NECTIN1: variants seen among roughly 807,000 people sequenced by gnomAD.
The protein encoded by NECTIN1 is nectin-1.
In NECTIN1, 23 loss-of-function variants were observed where a neutral mutation model predicts 48.0. That is an observed-to-expected ratio of 0.48 (90% CI 0.34 to 0.68). NECTIN1 has a LOEUF of 0.68. Ranked by LOEUF, NECTIN1 falls within the 30% of genes least tolerant of loss-of-function variation. NECTIN1 has a pLI of 0.01. For synonymous variants in NECTIN1, 270 were observed against 288.9 expected, an observed-to-expected ratio of 0.93 and a Z score of 0.66; for missense variants, 591 against 709.9, an observed-to-expected ratio of 0.83 and a Z score of 1.90.
chr11:119,714,472 C>A (rs1336735281), intron 1 of NECTIN1, among the ~76,000 whole-genome samples: 1 of 152,148 alleles, frequency 6.6e-6, no homozygotes, highest in Non-Finnish European at 1.5e-5. Flanking sequence ...CATCCCCAAG[C>A]AGCCCCACAT....
downstream of NECTIN1, among the ~76,000 whole-genome samples, chr11:119,657,614 T>A (rs5025566): frequency 0.1 from 3,796 of 37,584 alleles, 205 homozygotes; most frequent in African/African-American, 0.16. Context: ...ACTTTGTCTT[T>A]AAAAAAAAAA....
In NECTIN1 at chr11:119,661,196, G is replaced by A. The variant is rs956797036; in HGVS notation, c.*3551C>T. On this transcript the variant is annotated 3_prime_UTR_variant, in exon 6 of 6. Transcript: ENST00000264025. ...GCAAGGTAGCGCATCACGCTGGGAG[G>A]GGAGGGTGGCAGCTTCTCCTGGATT... 3 of 985,716 alleles carry A rather than the reference G, an allele frequency of 3.0e-6. No homozygotes were observed. In the African/African-American group the frequency reaches 5.2e-5, roughly 17 times the overall value. 61.1% of individuals were successfully genotyped at this position (985,716 alleles called of 1,614,324 possible).
At chr11:119,716,856 G>GCA (rs1865750727) in intron 1 of NECTIN1, among the ~76,000 whole-genome samples, 3 of 152,194 alleles carry the variant, frequency 2.0e-5, no homozygotes, top group African/African-American at 7.2e-5. Context: ...GCACACGCGC[G>GCA]CGCACGCACG....
chr11:119,679,903 C>T (rs1467278639), intron 1 of NECTIN1, among the ~76,000 whole-genome samples: 1 of 152,204 alleles, frequency 6.6e-6, no homozygotes, highest in Non-Finnish European at 1.5e-5. Flanking sequence ...CAGAGCTAAC[C>T]TGGCCACCTC....
Position 119,728,648 on chromosome 11 carries a change from G to T in NECTIN1, c.-95C>A. On this transcript the variant is annotated 5_prime_UTR_variant, in exon 1 of 6. Transcript: ENST00000264025. Reference sequence around the variant, plus strand: ...AGATGAGGGAAGATCGCTGGCGGTCGGCGGGCGCTCGAAGGATCCAGGTCA... The same window carrying T: ...AGATGAGGGAAGATCGCTGGCGGTCTGCGGGCGCTCGAAGGATCCAGGTCA... The T allele has an allele frequency of 1.4e-6, 1 of 717,648 alleles. No individual in the cohort carries two copies. Among genetic ancestry groups the T allele is most frequent in the Non-Finnish European group, 2.1e-6 (1 of 475,576 alleles). The allele number at this position is 717,648 out of a possible 1,614,324, so 44.5% of individuals were successfully genotyped here. A position where few individuals can be genotyped will look rare whatever the true frequency, so the allele number is the denominator to read the frequency against.
chr11:119,664,950 G>A lies in NECTIN1; in HGVS notation c.1351C>T (p.Arg451Cys), dbSNP rs1225561970. ...TTGGGGTGGGGGCCGCCCACCTTGC[G>A]CTCGCCCCCTCCACCGCCCTCCTCC... ...EEEEGGGGGE[R>C]KVGGPHPKYD... The change falls in exon 6 of 6, where the codon CGC becomes TGC. Residue 451 changes from arginine to cysteine, a missense_variant. Arg to Cys is a radical substitution (Grantham distance 180). Transcript: ENST00000264025. 1 of 1,613,450 alleles carries A rather than the reference G, an allele frequency of 6.2e-7. No homozygotes were observed. Among genetic ancestry groups the A allele is most frequent in the East Asian group, 2.2e-5 (1 of 44,842 alleles).
At chr11:119,648,063 C>CAAAAA (rs55695982) in intron 5 of NECTIN1, among the ~76,000 whole-genome samples, 8 of 43,092 alleles carry the variant, frequency 1.9e-4, no homozygotes, top group Non-Finnish European at 2.4e-4. Context: ...GACACCGTCT[C>CAAAAA]AAAAAAAAAA....
rs1379331414 is a variant in NECTIN1, at chr11:119,672,527, C to G, written c.1003+2632G>C. 2.6e-5 allele frequency among the ~76,000 whole-genome samples: 4 copies of G among 152,186 alleles called. No individual in the cohort carries two copies. The highest frequency in any genetic ancestry group is 5.9e-5 in the Non-Finnish European group (4 of 68,020). On this transcript the variant is annotated intron_variant, in intron 5 of 5. Coordinates refer to ENST00000264025, the MANE Select transcript of NECTIN1 (RefSeq NM_002855.5). The surrounding 1 kb of genome is among the most constrained non-coding windows in gnomAD (Gnocchi z 4.3). Reference sequence around the variant, plus strand: ...CATCTCCTCGGTGCCCCCATCGCCACAGCCACAGCCTGGGCCTGTTGTTTC... The same window carrying G: ...CATCTCCTCGGTGCCCCCATCGCCAGAGCCACAGCCTGGGCCTGTTGTTTC...
At chr11:119,710,933 A>G (rs1865633347) in intron 1 of NECTIN1, among the ~76,000 whole-genome samples, 1 of 152,176 alleles carries the variant, frequency 6.6e-6, no homozygotes, top group South Asian at 2.1e-4. Flanking sequence ...GTGCTGATAA[A>G]TATTGAGCAA....
chr11:119,663,878 C>G lies in NECTIN1; in HGVS notation c.*869G>C. The G allele has an allele frequency of 1.0e-6, 1 of 986,148 alleles. No individual in the cohort carries two copies. The highest frequency in any genetic ancestry group is 1.2e-6 in the Non-Finnish European group (1 of 830,538). 61.1% of individuals were successfully genotyped at this position (986,148 alleles called of 1,614,324 possible). On this transcript the variant is annotated 3_prime_UTR_variant, in exon 6 of 6. Coordinates refer to ENST00000264025, the MANE Select transcript of NECTIN1 (RefSeq NM_002855.5). ...AATGAGGTGGAAATAGACGGGTGGG[C>G]CTTGGGCAGTGTCTGGATGGGGCAG... is the stretch of plus-strand genomic sequence containing the variant.
At chr11:119,702,589 C>T (rs908456136) in intron 1 of NECTIN1, among the ~76,000 whole-genome samples, 2 of 93,370 alleles carry the variant, frequency 2.1e-5, no homozygotes, top group African/African-American at 4.3e-5. Flanking sequence ...TGAAGATCCC[C>T]GTTCTCTCAG....
At chr11:119,705,740 C>T (rs933147799) in intron 1 of NECTIN1, among the ~76,000 whole-genome samples, 67 of 152,322 alleles carry the variant, frequency 4.4e-4, no homozygotes, top group Admixed American at 2.8e-3. Flanking sequence ...CAGGAGGGAG[C>T]GCAGGCCGGG....
In NECTIN1 at chr11:119,648,063, CAAAAAAAAAAAAAA is replaced by C. The variant is rs55695982; in HGVS notation, c.1004-8065_1004-8052del. 9.3e-5 allele frequency among the ~76,000 whole-genome samples: 4 copies of C among 43,092 alleles called. No homozygotes were observed. The East Asian group carries it at 3.1e-3, about 33-fold the overall frequency. The allele number at this position is 43,092 out of a possible 152,430, so 28.3% of individuals were successfully genotyped here. A position where few individuals can be genotyped will look rare whatever the true frequency, so the allele number is the denominator to read the frequency against. On this transcript the variant is annotated intron_variant, in intron 5 of 7. Transcript: ENST00000341398. ...TGGGTGACAGAGTGAGACACCGTCT[CAAAAAAAAAAAAAA>C]AAAAAAAAAAAAAGGGAGGACGGGT...
intron 5 of NECTIN1, chr11:119,640,122 T>C: frequency 8.2e-7 from 1 of 1,213,406 alleles, no homozygotes; most frequent in South Asian, 1.3e-5. Flanking sequence ...CCTTTGACAT[T>C]GCACCCCCAG....
chr11:119,658,795 C>T (rs931427343), downstream of NECTIN1, among the ~76,000 whole-genome samples: 1 of 152,184 alleles, frequency 6.6e-6, no homozygotes, highest in Admixed American at 6.5e-5. Flanking sequence ...CCCCAGGAGT[C>T]AGGCCGGTGC....
intron 5 of NECTIN1, chr11:119,640,596 C>A (rs1327661021): frequency 6.4e-6 from 1 of 156,518 alleles, no homozygotes; most frequent in Non-Finnish European, 1.4e-5. Context: ...CTGAGCCCAC[C>A]TTCTGGACCC....
rs1437904578 is a variant in NECTIN1, at chr11:119,727,812, C to G, written c.79+663G>C. 3.7e-4 allele frequency among the ~76,000 whole-genome samples: 57 copies of G among 152,216 alleles called. No individual in the cohort carries two copies. Among genetic ancestry groups the G allele is most frequent in the Admixed American group, 3.7e-3 (57 of 15,294 alleles). On this transcript the variant is annotated intron_variant, in intron 1 of 5. Coordinates refer to ENST00000264025, the MANE Select transcript of NECTIN1 (RefSeq NM_002855.5). The surrounding 1 kb of genome is among the most constrained non-coding windows in gnomAD (Gnocchi z 4.1). ...CGCGGTGTCTCCTCCAGGGAGAGCCCCCAGAGCTGGGAGCAGAGTTCCGAG... is the reference window on the plus strand; with the variant it reads ...CGCGGTGTCTCCTCCAGGGAGAGCCGCCAGAGCTGGGAGCAGAGTTCCGAG...
rs941022865 is a variant in NECTIN1 at position 119,662,594 on chromosome 11, C to T, written c.*2153G>A. ...AAGGAGATGCAGGAGGAGACAGGGACAGGAAATGCCTCTATCAGGCAGGCC... is the reference window on the plus strand; with the variant it reads ...AAGGAGATGCAGGAGGAGACAGGGATAGGAAATGCCTCTATCAGGCAGGCC... On this transcript the variant is annotated 3_prime_UTR_variant, in exon 6 of 6. Coordinates refer to ENST00000264025, the MANE Select transcript of NECTIN1 (RefSeq NM_002855.5). This position sits in a 1 kb window ranked among gnomAD's most constrained non-coding sequence, Gnocchi z 5.3. 6.1e-6 allele frequency: 6 copies of T among 985,518 alleles called. No individual in the cohort carries two copies. The Admixed American group carries it at 2.5e-4, about 40-fold the overall frequency. 61.0% of individuals were successfully genotyped at this position (985,518 alleles called of 1,614,324 possible).
intron 5 of NECTIN1, 67 bp downstream of exon 5, chr11:119,675,092 G>A (rs901637462): frequency 1.3e-6 from 2 of 1,563,208 alleles, no homozygotes; most frequent in Non-Finnish European, 1.8e-6. Context: ...ATTGCTCAAA[G>A]GTGAGGGATG....
Sources: gnomAD v4.1 joint callset for allele counts (sites outside exome capture counted in the v4.1 genomes callset) on GRCh38, gnomAD v4.1.1 for gene constraint, Gnocchi (gnomAD v3.1) non-coding constraint, MANE v1.5 for transcripts, NCBI Gene and HGNC (gene_info 2026-07-23, HGNC 2026-07-21) for gene names.